Variants in CDYL2 observed in about 807,000 individuals in gnomAD.
The protein encoded by CDYL2 is chromodomain Y like 2, also known as chromodomain Y-like protein 2.
Under a neutral mutation model 49.4 loss-of-function variants are expected in CDYL2, and 23 were observed. The ratio of observed to expected loss-of-function variants is 0.47; its 90% CI spans 0.34 to 0.66. The LOEUF is 0.66. CDYL2 is among the 30% of genes least tolerant of loss of function. CDYL2 has a pLI of 0.01. For missense variants in CDYL2, 678 were observed against 656.4 expected (o/e 1.03, Z -0.36); for synonymous variants, 360 against 268.8 (o/e 1.34, Z -3.32).
At chr16:80,748,122 AAAT>A (rs71143647) in intron 1 of CDYL2, among the ~76,000 whole-genome samples, 53,572 of 135,660 alleles carry the variant, frequency 0.39, 10,840 homozygotes, top group Middle Eastern at 0.52. Flanking sequence ...TGGGAAGATT[AAAT>A]AATAATAATA....
At position 80,662,962 on chromosome 16, in the gene CDYL2, G is replaced by A. The variant is rs867419139; in HGVS notation, c.616+21576C>T. ...CAAAGAACGACACAAGTCATTCTTT[G>A]TTGAATAAATGAATGAGTGAATAAA... is the stretch of plus-strand genomic sequence containing the variant. On this transcript the variant is annotated intron_variant, in intron 2 of 6. Transcript: ENST00000570137. Among the ~76,000 whole-genome samples, 3 of 152,136 alleles carry A rather than the reference G, an allele frequency of 2.0e-5. 1 individual carries two copies. The South Asian group carries it at 6.2e-4, about 32-fold the overall frequency.
chr16:80,623,977 C>T (rs191366484), intron 3 of CDYL2, among the ~76,000 whole-genome samples: 39 of 152,286 alleles, frequency 2.6e-4, no homozygotes, highest in African/African-American at 9.6e-5. Flanking sequence ...TGAAAGTGAG[C>T]TCCTGCCACA....
At chr16:80,787,887 G>A (rs1319664198) in intron 1 of CDYL2, among the ~76,000 whole-genome samples, 1 of 152,126 alleles carries the variant, frequency 6.6e-6, no homozygotes, top group Non-Finnish European at 1.5e-5. Context: ...CAAGCATGCA[G>A]ACATATTTGC....
intron 1 of CDYL2, among the ~76,000 whole-genome samples, chr16:80,752,835 G>A (rs1448375014): frequency 1.3e-5 from 2 of 152,140 alleles, no homozygotes; most frequent in African/African-American, 4.8e-5. Flanking sequence ...AACAAGATGT[G>A]CACAATCAAC....
intron 1 of CDYL2, among the ~76,000 whole-genome samples, chr16:80,735,747 G>C (rs762853610): frequency 3.3e-5 from 5 of 152,196 alleles, no homozygotes; most frequent in African/African-American, 4.8e-5. Flanking sequence ...AGAGTACTCT[G>C]AAGCCATGGC....
chr16:80,643,023 T>C (rs1269923055), intron 2 of CDYL2, among the ~76,000 whole-genome samples: 1 of 152,126 alleles, frequency 6.6e-6, no homozygotes, highest in African/African-American at 2.4e-5. Flanking sequence ...CAGTGCAAAG[T>C]CTCATCTGAG....
In CDYL2 at chr16:80,804,344, T is replaced by C; in HGVS notation, c.-171A>G. 1 of 335,782 alleles carries C rather than the reference T, an allele frequency of 3.0e-6. No individual in the cohort carries two copies. 20.8% of individuals were successfully genotyped at this position (335,782 alleles called of 1,614,324 possible). ...CAGAATGACAGGCTTGGGGGCTGCC[T>C]ATGCGCAGAATCAGAGCGGGCGGCG... On this transcript the variant is annotated 5_prime_UTR_variant, in exon 1 of 7. It adds an upstream start codon to the 5' untranslated region. Transcript: ENST00000570137.
At chr16:80,801,585 G>C (rs1277793103) in intron 1 of CDYL2, among the ~76,000 whole-genome samples, 2 of 152,192 alleles carry the variant, frequency 1.3e-5, no homozygotes, top group Admixed American at 1.3e-4. Flanking sequence ...TAAAAACGTG[G>C]TTTCTTGAGT....
intron 2 of CDYL2, chr16:80,639,697 G>T (rs1329758300): frequency 2.2e-6 from 1 of 455,968 alleles, no homozygotes; most frequent in South Asian, 1.5e-5. Flanking sequence ...TCATATTGCT[G>T]AAAGAAGCAC....
chr16:80,794,882 G>C (rs966695615), intron 1 of CDYL2, among the ~76,000 whole-genome samples: 1 of 152,018 alleles, frequency 6.6e-6, no homozygotes, highest in Non-Finnish European at 1.5e-5. Context: ...CAAAGTGCTG[G>C]GAGTATAGGC....
In CDYL2 at chr16:80,612,599, C is replaced by T. The variant is rs138315376; in HGVS notation, c.1218+27G>A. 4 of 1,572,774 alleles carry T rather than the reference C, an allele frequency of 2.5e-6. No homozygotes were observed. The highest frequency in any genetic ancestry group is 2.7e-5 in the African/African-American group (2 of 73,918). On this transcript the variant is annotated intron_variant, in intron 5 of 6. Transcript: ENST00000570137. This position sits in a 1 kb window ranked among gnomAD's most constrained non-coding sequence, Gnocchi z 5.0. Reference sequence around the variant, plus strand: ...GCAGAGGAAGGATCCTGCTGGGACCCGAATCCAGGTATCACAGGAGGCTTA... The same window carrying T: ...GCAGAGGAAGGATCCTGCTGGGACCTGAATCCAGGTATCACAGGAGGCTTA...
rs577107051 is a variant in CDYL2 at position 80,776,115 on chromosome 16, A to G, written c.24+28035T>C. Among the ~76,000 whole-genome samples the G allele has an allele frequency of 4.3e-4, 66 of 152,224 alleles. No homozygotes were observed. In the Middle Eastern group the frequency reaches 0.01, roughly 24 times the overall value. On this transcript the variant is annotated intron_variant, in intron 1 of 6. Transcript: ENST00000570137. ...AAACACCCTCCCACGTTAATTCTTC[A>G]GTAAAAGAGCAAATTAGCAACTGAA... is the stretch of plus-strand genomic sequence containing the variant.
chr16:80,728,512 G>A (rs961604380), intron 1 of CDYL2, among the ~76,000 whole-genome samples: 179 of 152,278 alleles, frequency 1.2e-3, no homozygotes, highest in Non-Finnish European at 9.7e-4. Flanking sequence ...AACCAAGTTG[G>A]AAAACACTCT....
rs1908037104 is a variant in CDYL2, at chr16:80,804,467, C to T, written c.-294G>A. On this transcript the variant is annotated 5_prime_UTR_variant, in exon 1 of 7. Coordinates refer to ENST00000570137, the MANE Select transcript of CDYL2 (RefSeq NM_152342.4). The stretch of plus-strand genomic sequence containing the variant: ...GCGCAGCGCGCCCGGGAGGCACGGA[C>T]GCGGCCCGAGCGCCGCGGCCCCCGC... The T allele has an allele frequency of 6.9e-6, 1 of 144,606 alleles. No homozygotes were observed. The highest frequency in any genetic ancestry group is 1.5e-5 in the Non-Finnish European group (1 of 65,146). 9.0% of individuals were successfully genotyped at this position (144,606 alleles called of 1,614,324 possible).
chr16:80,725,717 T>A (rs1408026914), intron 1 of CDYL2, among the ~76,000 whole-genome samples: 4 of 152,202 alleles, frequency 2.6e-5, no homozygotes, highest in African/African-American at 7.2e-5. Context: ...AAAAAACACT[T>A]GGCATATTTT....
intron 2 of CDYL2, among the ~76,000 whole-genome samples, chr16:80,640,610 G>C (rs1344800899): frequency 1.3e-5 from 2 of 152,092 alleles, no homozygotes; most frequent in Non-Finnish European, 2.9e-5. Flanking sequence ...TAAGGCACCA[G>C]GTACTAACCC....
At chr16:80,724,608 A>T (rs1905106711) in intron 1 of CDYL2, among the ~76,000 whole-genome samples, 1 of 152,206 alleles carries the variant, frequency 6.6e-6, no homozygotes, top group African/African-American at 2.4e-5. Flanking sequence ...ATCAGTGTGT[A>T]TTGCCTGTAA....
intron 2 of CDYL2, among the ~76,000 whole-genome samples, chr16:80,662,328 A>G (rs1279277431): frequency 2.6e-5 from 4 of 152,218 alleles, no homozygotes; most frequent in African/African-American, 9.6e-5. Context: ...GAAGGAAGTT[A>G]GTGAGACCAG....
At chr16:80,640,137 G>A (rs763645173) in intron 2 of CDYL2, among the ~76,000 whole-genome samples, 1 of 152,224 alleles carries the variant, frequency 6.6e-6, no homozygotes, top group Non-Finnish European at 1.5e-5. Context: ...ACCAGCTGGG[G>A]TGGCTAAGGG....
Sources: allele counts gnomAD v4.1 joint callset (sites outside exome capture counted in the v4.1 genomes callset), GRCh38; gene constraint gnomAD v4.1.1; non-coding constraint Gnocchi (gnomAD v3.1); transcripts MANE v1.5; gene names NCBI Gene and HGNC (gene_info 2026-07-23, HGNC 2026-07-21).